Variants in SIPA1L1 observed in about 807,000 individuals in gnomAD.
SIPA1L1 encodes signal-induced proliferation-associated 1-like protein 1.
In SIPA1L1, 26 loss-of-function variants were observed where a neutral mutation model predicts 162.7. The observed-to-expected ratio is 0.16, with a 90% confidence interval of 0.12 to 0.22. The LOEUF is 0.22. Among genes scored for constraint, SIPA1L1 ranks in the 10% least tolerant of loss-of-function variants. The pLI, the probability that SIPA1L1 is intolerant of heterozygous loss-of-function variation, is 1.00. For missense variants in SIPA1L1, 1,874 were observed against 2,241.0 expected (o/e 0.84, Z 3.31); for synonymous variants, 829 against 837.4 (o/e 0.99, Z 0.17).
chr14:71,636,828 G>A (rs1255945370), intron 7 of SIPA1L1, among the ~76,000 whole-genome samples: 2 of 151,960 alleles, frequency 1.3e-5, no homozygotes, highest in African/African-American at 2.4e-5. Flanking sequence ...GATCACTTGC[G>A]ATCAGGTGAG....
At chr14:71,711,939 G>C (rs976978003) in intron 17 of SIPA1L1, among the ~76,000 whole-genome samples, 1 of 152,208 alleles carries the variant, frequency 6.6e-6, no homozygotes, top group Non-Finnish European at 1.5e-5. Flanking sequence ...GGTAAGTAGG[G>C]ATGTTTTGAG....
At position 71,377,820 on chromosome 14, in the gene SIPA1L1, AC is replaced by A. The variant is rs1470376871; in HGVS notation, c.-465+56640del. ...CGAAACCCCGTCTCCACCAAAAAAT[AC>A]AAAAACCAGTCAGGCGTGGCGGCGC... On this transcript the variant is annotated intron_variant, in intron 2 of 23. Transcript: ENST00000381232. This position sits in a 1 kb window ranked among gnomAD's most constrained non-coding sequence, Gnocchi z 4.8. Among the ~76,000 whole-genome samples the A allele has an allele frequency of 6.6e-6, 1 of 152,192 alleles. No homozygotes were observed. The highest frequency in any genetic ancestry group is 1.9e-4 in the East Asian group (1 of 5,190).
intron 5 of SIPA1L1, among the ~76,000 whole-genome samples, chr14:71,609,372 G>A (rs1466252293): frequency 1.3e-5 from 2 of 152,112 alleles, no homozygotes; most frequent in Non-Finnish European, 2.9e-5. Flanking sequence ...GGGTTCAAGT[G>A]CTCATCACAC....
chr14:71,590,043 AAATATATATATATATAT>A (rs1257777421), intron 5 of SIPA1L1, among the ~76,000 whole-genome samples: 1 of 61,534 alleles, frequency 1.6e-5, no homozygotes, highest in Non-Finnish European at 3.1e-5. Flanking sequence ...AAAAAAAAAA[AAATATATATATATATAT>A]ATATATATAT....
At position 71,407,077 on chromosome 14, in the gene SIPA1L1, A is replaced by T. The variant is rs1193880356; in HGVS notation, c.-465+85896A>T. 2.6e-5 allele frequency among the ~76,000 whole-genome samples: 4 copies of T among 152,306 alleles called. No individual in the cohort carries two copies. In the East Asian group the frequency reaches 7.7e-4, roughly 29 times the overall value. ...GCCAAAATGGAGAAACCCTGCCTCT[A>T]CTAAAAATAAAAAAAATTGGCTGGG... On this transcript the variant is annotated intron_variant, in intron 2 of 23. Transcript: ENST00000381232.
intron 2 of SIPA1L1, among the ~76,000 whole-genome samples, chr14:71,354,931 T>C (rs1336172859): frequency 2.0e-5 from 3 of 152,210 alleles, no homozygotes; most frequent in African/African-American, 7.2e-5. Flanking sequence ...GAGAGCTTGC[T>C]GAGTGCCTGG....
At chr14:71,363,265 G>GA (rs893722084) in intron 2 of SIPA1L1, among the ~76,000 whole-genome samples, 39 of 152,278 alleles carry the variant, frequency 2.6e-4, no homozygotes, top group African/African-American at 9.4e-4. Context: ...TTCTGGGTAT[G>GA]AGAAGACTGT....
At chr14:71,671,940 TGTGC>T (rs1566615600) in intron 11 of SIPA1L1, among the ~76,000 whole-genome samples, 2 of 136,872 alleles carry the variant, frequency 1.5e-5, no homozygotes, top group African/African-American at 2.7e-5. Context: ...TGTGTGTGTG[TGTGC>T]GTTCATGTTC....
chr14:71,657,018 C>A (rs1165548478), intron 8 of SIPA1L1, among the ~76,000 whole-genome samples: 1 of 152,120 alleles, frequency 6.6e-6, no homozygotes, highest in Non-Finnish European at 1.5e-5. Flanking sequence ...CTGAGAGCAT[C>A]GTTCTCTAAA....
Position 71,709,337 on chromosome 14 carries a change from G to T in SIPA1L1, c.3881G>T (p.Ser1294Ile), listed in dbSNP as rs2082700743. 1.2e-6 allele frequency: 2 copies of T among 1,614,098 alleles called. No individual in the cohort carries two copies. The highest frequency in any genetic ancestry group is 2.2e-5 in the South Asian group (2 of 91,084). Residue 1294 changes from serine to isoleucine, a missense_variant, in exon 17 of 24, where the codon AGC becomes ATC. Ser to Ile is a moderately radical substitution (Grantham distance 142). Coordinates refer to ENST00000381232, the MANE Select transcript of SIPA1L1 (RefSeq NM_001386936.1). ...GACCGCACAGAATCCGAACTCAACA[G>T]CTATAACTATCTGCAAGGCACCTCT... ...DGDRTESELN[S>I]YNYLQGTSAD...
chr14:71,379,652 A>G (rs556469245), intron 2 of SIPA1L1: 1 of 152,312 alleles, frequency 6.6e-6, no homozygotes, highest in Admixed American at 6.5e-5. Context: ...AAAATATAAA[A>G]CACTAATTCA....
At chr14:71,661,229 AAT>A (rs1359432540) in intron 9 of SIPA1L1, 79 bp from the exon 10 acceptor site, 1 of 1,450,356 alleles carries the variant, frequency 6.9e-7, no homozygotes, top group African/African-American at 1.4e-5. Flanking sequence ...GGATGTTTTA[AAT>A]ACAGCTATAT....
At chr14:71,320,908 C>T (rs1180582823) in intron 1 of SIPA1L1, among the ~76,000 whole-genome samples, 1 of 151,944 alleles carries the variant, frequency 6.6e-6, no homozygotes, top group Admixed American at 6.5e-5. Context: ...TCCCCTCCTC[C>T]GGGAGCTCGG....
At chr14:71,345,165 C>T (rs2036031137) in intron 2 of SIPA1L1, among the ~76,000 whole-genome samples, 1 of 152,036 alleles carries the variant, frequency 6.6e-6, no homozygotes, top group African/African-American at 2.4e-5. Flanking sequence ...TGCTACCTAC[C>T]CACCTTAGTA....
At position 71,459,458 on chromosome 14, in the gene SIPA1L1, C is replaced by CAGAGAG. The variant is rs142623080; in HGVS notation, c.-464-53268_-464-53263dup. Among the ~76,000 whole-genome samples, 7 of 148,116 alleles carry CAGAGAG rather than the reference C, an allele frequency of 4.7e-5. 1 individual carries two copies. Among genetic ancestry groups the CAGAGAG allele is most frequent in the Non-Finnish European group, 7.5e-5 (5 of 66,716 alleles). On this transcript the variant is annotated intron_variant, in intron 2 of 23. Coordinates refer to ENST00000381232, the MANE Select transcript of SIPA1L1 (RefSeq NM_001386936.1). ...TAGGATATCTATCTATCTATCCATC[C>CAGAGAG]AGAGAGAGAGAGAGAGAGAGAGGAG...
At chr14:71,460,575 CA>C (rs1324827705) in intron 2 of SIPA1L1, among the ~76,000 whole-genome samples, 8 of 152,192 alleles carry the variant, frequency 5.3e-5, no homozygotes, top group African/African-American at 1.9e-4. Context: ...GTCCAGGTGG[CA>C]ATCTCAACTT....
At chr14:71,604,240 C>G (rs2037212265) in intron 5 of SIPA1L1, among the ~76,000 whole-genome samples, 1 of 151,912 alleles carries the variant, frequency 6.6e-6, no homozygotes, top group Admixed American at 6.6e-5. Context: ...CTCAAGCCAT[C>G]TGCTCCAGCC....
intron 22 of SIPA1L1, chr14:71,735,626 T>C (rs908706756): frequency 6.8e-6 from 3 of 438,290 alleles, no homozygotes; most frequent in South Asian, 3.7e-5. Flanking sequence ...TTATTTAATG[T>C]CATAATACAT....
At chr14:71,404,468 C>T (rs2041904259) in intron 2 of SIPA1L1, among the ~76,000 whole-genome samples, 2 of 152,128 alleles carry the variant, frequency 1.3e-5, no homozygotes, top group South Asian at 4.1e-4. Context: ...CGCTTGAACC[C>T]AGGAGGTGGA....
Sources: allele counts gnomAD v4.1 joint callset (sites outside exome capture counted in the v4.1 genomes callset), GRCh38; gene constraint gnomAD v4.1.1; non-coding constraint Gnocchi (gnomAD v3.1); transcripts MANE v1.5; gene names NCBI Gene and HGNC (gene_info 2026-07-23, HGNC 2026-07-21).